MIS18A: variants seen among roughly 807,000 people sequenced by gnomAD.
MIS18A encodes MIS18 kinetochore protein A, also known as protein Mis18-alpha.
Under a neutral mutation model 25.0 loss-of-function variants are expected in MIS18A, and 14 were observed. The ratio of observed to expected loss-of-function variants is 0.56; its 90% confidence interval spans 0.37 to 0.88. The LOEUF (loss-of-function observed/expected upper bound fraction) is 0.88. Among genes scored for constraint, MIS18A ranks in the 40% least tolerant of loss-of-function variants. The pLI, the probability that MIS18A is intolerant of heterozygous loss-of-function variation, is 0.00. For synonymous variants in MIS18A, 134 were observed against 118.6 expected, an observed-to-expected ratio of 1.13 and a Z score of -0.84; for missense variants, 292 against 290.8, an observed-to-expected ratio of 1.00 and a Z score of -0.03.
chr21:32,265,532 T>A (rs556038487), downstream of MIS18A, among the ~76,000 whole-genome samples: 3 of 152,234 alleles, frequency 2.0e-5, no homozygotes, highest in African/African-American at 7.2e-5. Context: ...ACCGGCGCTG[T>A]GCTGGATTTC....
the MIS18A span, among the ~76,000 whole-genome samples, chr21:32,181,320 A>T: frequency 6.6e-6 from 1 of 152,166 alleles, no homozygotes; most frequent in South Asian, 2.1e-4. Flanking sequence ...GCTTGCAGGT[A>T]GTAGATCGTA....
At chr21:32,176,564 T>C in the MIS18A span, among the ~76,000 whole-genome samples, 1 of 152,196 alleles carries the variant, frequency 6.6e-6, no homozygotes, top group Non-Finnish European at 1.5e-5. Flanking sequence ...GAGTTACAGC[T>C]AATGCTGTAA....
chr21:32,191,004 C>G, the MIS18A span, among the ~76,000 whole-genome samples: 1 of 152,148 alleles, frequency 6.6e-6, no homozygotes, highest in African/African-American at 2.4e-5. Flanking sequence ...AAAAGATGTG[C>G]AGAAAGAAGG....
At chr21:32,219,372 G>A in the MIS18A span, among the ~76,000 whole-genome samples, 1 of 152,120 alleles carries the variant, frequency 6.6e-6, no homozygotes, top group African/African-American at 2.4e-5. Flanking sequence ...GAAGTGCAAG[G>A]GATTGGGGAA....
At chr21:32,197,549 GA>G in the MIS18A span, among the ~76,000 whole-genome samples, 1 of 152,200 alleles carries the variant, frequency 6.6e-6, no homozygotes, top group African/African-American at 2.4e-5. Flanking sequence ...CAGGATCCCT[GA>G]GGCTGAAACT....
chr21:32,258,305 A>G, the MIS18A span, among the ~76,000 whole-genome samples: 1 of 151,992 alleles, frequency 6.6e-6, no homozygotes, highest in African/African-American at 2.4e-5. Context: ...TTTAGGGACG[A>G]ATACCGAAAA....
Position 32,268,416 on chromosome 21 carries a change from ACTATATATAAGCAACTG to A in MIS18A, c.*604_*620del, listed in dbSNP as rs928218801. On this transcript the variant is annotated 3_prime_UTR_variant, in exon 5 of 5. Transcript: ENST00000290130. ...CATAAGCAGGAAAAAGTAAAATCCT[ACTATATATAAGCAACTG>A]CTCTTGAGCAAGTTTTCAAATGGTT... 2.6e-5 allele frequency: 4 copies of A among 152,336 alleles called. No individual in the cohort carries two copies. Among genetic ancestry groups the A allele is most frequent in the Non-Finnish European group, 5.9e-5 (4 of 68,042 alleles). The allele number at this position is 152,336 out of a possible 1,614,324, so 9.4% of individuals were successfully genotyped here. A position where few individuals can be genotyped will look rare whatever the true frequency, so the allele number is the denominator to read the frequency against.
chr21:32,218,565 T>C, the MIS18A span, among the ~76,000 whole-genome samples: 4 of 152,220 alleles, frequency 2.6e-5, no homozygotes, highest in Non-Finnish European at 5.9e-5. Context: ...GAGTTTTGTA[T>C]GCCTTTTTAA....
the MIS18A span, among the ~76,000 whole-genome samples, chr21:32,235,113 G>T: frequency 6.6e-6 from 1 of 152,272 alleles, no homozygotes; most frequent in East Asian, 1.9e-4. Flanking sequence ...AGGAGTAGAT[G>T]CTGTTGGTAT....
Position 32,269,022 on chromosome 21 carries a change from G to A in MIS18A, c.*15C>T. The A allele has an allele frequency of 2.5e-6, 4 of 1,570,726 alleles. No homozygotes were observed. The highest frequency in any genetic ancestry group is 3.5e-6 in the Non-Finnish European group (4 of 1,149,774). On this transcript the variant is annotated 3_prime_UTR_variant, in exon 5 of 5. Coordinates refer to ENST00000290130, the MANE Select transcript of MIS18A (RefSeq NM_018944.3). ...GAGGAAGGGCGGGGGCAGAATGGAG[G>A]ACACAGACTAGAGTTCAGCTTTTAC...
chr21:32,206,878 C>T, the MIS18A span, among the ~76,000 whole-genome samples: 10,480 of 152,262 alleles, frequency 0.069, 392 homozygotes, highest in Middle Eastern at 0.11. Flanking sequence ...ACCCACACTA[C>T]ACCTGATACA....
the MIS18A span, chr21:32,260,022 A>G: frequency 6.6e-6 from 1 of 151,110 alleles, no homozygotes; most frequent in African/African-American, 2.5e-5. Flanking sequence ...TTTTACTCTT[A>G]TATGTCAATT....
the MIS18A span, among the ~76,000 whole-genome samples, chr21:32,161,391 T>C: frequency 6.6e-6 from 1 of 152,322 alleles, no homozygotes; most frequent in South Asian, 2.1e-4. Flanking sequence ...ATTTGACTGA[T>C]GTTTTTCTCA....
the MIS18A span, among the ~76,000 whole-genome samples, chr21:32,248,114 C>T: frequency 6.6e-6 from 1 of 152,336 alleles, no homozygotes; most frequent in South Asian, 2.1e-4. Flanking sequence ...CTGTGGCTCC[C>T]AGGCTACACT....
chr21:32,242,884 A>G, the MIS18A span, among the ~76,000 whole-genome samples: 1 of 152,208 alleles, frequency 6.6e-6, no homozygotes, highest in Non-Finnish European at 1.5e-5. Context: ...CTAACAAGTG[A>G]GTGAACTATT....
the MIS18A span, among the ~76,000 whole-genome samples, chr21:32,199,966 C>T: frequency 1.3e-5 from 2 of 152,040 alleles, no homozygotes; most frequent in South Asian, 2.1e-4. Flanking sequence ...GAATTGGAAT[C>T]GATTGGATTG....
At chr21:32,273,968 G>C (rs1413802607) in intron 2 of MIS18A, among the ~76,000 whole-genome samples, 1 of 152,050 alleles carries the variant, frequency 6.6e-6, no homozygotes, top group African/African-American at 2.4e-5. Flanking sequence ...GGCAGGTATG[G>C]CAAGATATTT....
the MIS18A span, among the ~76,000 whole-genome samples, chr21:32,230,492 C>T: frequency 6.6e-6 from 1 of 152,176 alleles, no homozygotes. Flanking sequence ...AACAGTATTG[C>T]TATCACTGCC....
chr21:32,269,661 G>A (rs1179256296), intron 4 of MIS18A, 46 bp downstream of exon 4: 1 of 1,211,738 alleles, frequency 8.3e-7, no homozygotes, highest in South Asian at 1.3e-5. Context: ...CTTCTTCACT[G>A]ACAAACTGTT....
Sources: gnomAD v4.1 joint callset for allele counts (sites outside exome capture counted in the v4.1 genomes callset) on GRCh38, gnomAD v4.1.1 for gene constraint, MANE v1.5 for transcripts, NCBI Gene and HGNC (gene_info 2026-07-23, HGNC 2026-07-21) for gene names.